The following PPM1L variants were observed in gnomAD, a reference collection of about 807,000 sequenced individuals.
PPM1L encodes the protein protein phosphatase 1L.
PPM1L carries 13 observed loss-of-function variants against 31.4 expected under a neutral mutation model. That is an observed-to-expected ratio of 0.41 (90% CI 0.27 to 0.66). The LOEUF (loss-of-function observed/expected upper bound fraction) is 0.66, where lower values mean the gene tolerates loss of function less well. Among genes scored for constraint, PPM1L ranks in the 30% least tolerant of loss-of-function variants. The probability of loss-of-function intolerance (pLI) is 0.29; values close to 1 mark genes in which losing one functional copy is unlikely to be tolerated. For missense variants in PPM1L, 326 were observed against 453.7 expected, an observed-to-expected ratio of 0.72 and a Z score of 2.56; for synonymous variants, 184 against 175.4, an observed-to-expected ratio of 1.05 and a Z score of -0.39.
intron 1 of PPM1L, among the ~76,000 whole-genome samples, chr3:160,802,112 A>G (rs879609074): frequency 7.9e-5 from 12 of 152,160 alleles, no homozygotes; most frequent in Non-Finnish European, 1.8e-4. Context: ...AATTAACTCT[A>G]TAATACTCCT....
At chr3:160,821,450 A>G (rs3907061) in intron 1 of PPM1L, among the ~76,000 whole-genome samples, 8,787 of 152,118 alleles carry the variant, frequency 0.058, 279 homozygotes, top group African/African-American at 0.075. Flanking sequence ...ATTGAAATAT[A>G]TTAGAATCAT....
intron 1 of PPM1L, among the ~76,000 whole-genome samples, chr3:160,835,039 A>ACTTCTTCTTCTTCTTCTTCTT (rs201253772): frequency 0.019 from 2,559 of 131,764 alleles, 42 homozygotes; most frequent in East Asian, 0.03. Context: ...TACTACTACT[A>ACTTCTTCTTCTTCTTCTTCTT]CTTCTTCTTC....
At chr3:160,974,126 G>GT (rs1270593775) in intron 2 of PPM1L, among the ~76,000 whole-genome samples, 4 of 146,792 alleles carry the variant, frequency 2.7e-5, no homozygotes, top group South Asian at 2.2e-4. Context: ...GCGGTGTTTG[G>GT]TTTTTTGTTC....
chr3:160,796,764 C>T (rs1016538148), intron 1 of PPM1L, among the ~76,000 whole-genome samples: 4 of 152,134 alleles, frequency 2.6e-5, no homozygotes, highest in African/African-American at 9.7e-5. Flanking sequence ...TGGTGTGAAA[C>T]GCCTAATTTA....
At chr3:160,916,476 A>G (rs1261571397) in intron 1 of PPM1L, among the ~76,000 whole-genome samples, 1 of 152,198 alleles carries the variant, frequency 6.6e-6, no homozygotes, top group Non-Finnish European at 1.5e-5. Flanking sequence ...AGATGCTAAA[A>G]TGTAACACAT....
chr3:160,859,542 TTG>T (rs1363064609), intron 1 of PPM1L, among the ~76,000 whole-genome samples: 1 of 152,240 alleles, frequency 6.6e-6, no homozygotes, highest in African/African-American at 2.4e-5. Context: ...TTGATCTTAC[TTG>T]TGTTTATTTT....
intron 1 of PPM1L, among the ~76,000 whole-genome samples, chr3:160,879,885 G>A (rs1712647186): frequency 1.3e-5 from 2 of 152,168 alleles, no homozygotes; most frequent in African/African-American, 4.8e-5. Flanking sequence ...TGCTCCTGTA[G>A]GAGACCAGAG....
chr3:161,041,277 C>T (rs1718896679), intron 2 of PPM1L, among the ~76,000 whole-genome samples: 1 of 152,182 alleles, frequency 6.6e-6, no homozygotes, highest in Non-Finnish European at 1.5e-5. Flanking sequence ...GTTGTCCTGC[C>T]TTTCTGGACC....
rs35722797 is a variant in PPM1L, at chr3:161,023,127, G to GTT, written c.575-42264_575-42263dup. ...TGAAACTTTCTTGTACATTATGAGG[G>GTT]TTTTTTTTTTTTTCTCTTGCTGCTC... On this transcript the variant is annotated intron_variant, in intron 2 of 3. Coordinates refer to ENST00000498165, the MANE Select transcript of PPM1L (RefSeq NM_139245.4). Among the ~76,000 whole-genome samples the GTT allele has an allele frequency of 2.7e-3, 385 of 142,932 alleles. 1 individual carries two copies. Among genetic ancestry groups the GTT allele is most frequent in the Middle Eastern group, 7.3e-3 (2 of 274 alleles). The allele number at this position is 142,932 out of a possible 152,430, so 93.8% of individuals were successfully genotyped here.
intron 2 of PPM1L, among the ~76,000 whole-genome samples, chr3:161,057,553 C>G (rs1719447754): frequency 6.6e-6 from 1 of 152,112 alleles, no homozygotes; most frequent in South Asian, 2.1e-4. Flanking sequence ...GGGTCACCAA[C>G]AGCCCAGATT....
intron 2 of PPM1L, among the ~76,000 whole-genome samples, chr3:160,987,435 T>A (rs1310951660): frequency 6.6e-6 from 1 of 152,186 alleles, no homozygotes; most frequent in East Asian, 1.9e-4. Context: ...AATGGCAAAC[T>A]ACATATATAT....
At chr3:161,042,031 T>C (rs1210606030) in intron 2 of PPM1L, among the ~76,000 whole-genome samples, 2 of 152,120 alleles carry the variant, frequency 1.3e-5, no homozygotes, top group East Asian at 1.9e-4. Context: ...CACATACATA[T>C]ACATACTCAT....
At chr3:160,882,058 A>AC (rs1269093913) in intron 1 of PPM1L, among the ~76,000 whole-genome samples, 1 of 152,014 alleles carries the variant, frequency 6.6e-6, no homozygotes, top group East Asian at 1.9e-4. Context: ...CTCAAAAAAA[A>AC]AAAAAAAGTA....
chr3:161,010,472 T>G (rs889652165), intron 2 of PPM1L, among the ~76,000 whole-genome samples: 1 of 152,216 alleles, frequency 6.6e-6, no homozygotes. Flanking sequence ...TGAATAGTGC[T>G]GCAATAAACA....
chr3:160,902,779 T>G (rs1202511440), intron 1 of PPM1L, among the ~76,000 whole-genome samples: 1 of 152,214 alleles, frequency 6.6e-6, no homozygotes, highest in Non-Finnish European at 1.5e-5. Context: ...CACAAATTTC[T>G]TTTTATATCT....
At chr3:160,794,662 T>C (rs1158835947) in intron 1 of PPM1L, among the ~76,000 whole-genome samples, 1 of 152,212 alleles carries the variant, frequency 6.6e-6, no homozygotes, top group Non-Finnish European at 1.5e-5. Context: ...GAGAGCAAGA[T>C]TGTTATCTTC....
chr3:160,764,709 C>T (rs1715061684), intron 1 of PPM1L, among the ~76,000 whole-genome samples: 1 of 152,186 alleles, frequency 6.6e-6, no homozygotes, highest in East Asian at 1.9e-4. Flanking sequence ...CTCAGGCAAT[C>T]TGCCCCCCTC....
chr3:160,799,149 A>T (rs1348856138), intron 1 of PPM1L, among the ~76,000 whole-genome samples: 1 of 152,256 alleles, frequency 6.6e-6, no homozygotes, highest in Admixed American at 6.5e-5. Flanking sequence ...TGCTGTGAAC[A>T]TTGTTGAAAT....
At chr3:160,809,925 A>G (rs1233078958) in intron 1 of PPM1L, among the ~76,000 whole-genome samples, 5 of 152,102 alleles carry the variant, frequency 3.3e-5, no homozygotes, top group Non-Finnish European at 5.9e-5. Context: ...TTTCTCTCCA[A>G]TCCTCAGTTC....
Sources: allele counts gnomAD v4.1 joint callset (sites outside exome capture counted in the v4.1 genomes callset), GRCh38; gene constraint gnomAD v4.1.1; transcripts MANE v1.5; gene names NCBI Gene and HGNC (gene_info 2026-07-23, HGNC 2026-07-21).